P2RY8: variants seen among roughly 807,000 people sequenced by gnomAD.
P2RY8 encodes the protein S-geranylgeranyl-glutathione receptor P2RY8.
A neutral mutation model predicts 10.0 loss-of-function variants in P2RY8; 6 were observed. That is an observed-to-expected ratio of 0.60 (90% CI 0.33 to 1.19). The LOEUF (loss-of-function observed/expected upper bound fraction) is 1.19. Among genes scored for constraint, P2RY8 ranks in the 50% most tolerant of loss-of-function variants. The pLI, the probability that P2RY8 is intolerant of heterozygous loss-of-function variation, is 0.04. For missense variants in P2RY8, 456 were observed against 542.0 expected (o/e 0.84, Z 1.58); for synonymous variants, 276 against 252.5 (o/e 1.09, Z -0.88).
chrX:1,526,849 T>A (rs1270228172), intron 1 of P2RY8, among the ~76,000 whole-genome samples: 2 of 152,220 alleles, frequency 1.3e-5, no homozygotes, highest in Non-Finnish European at 2.9e-5. Flanking sequence ...ATTCAGCATC[T>A]ATTTATTCAC....
At chrX:1,490,673 C>T (rs1425669088) in intron 1 of P2RY8, among the ~76,000 whole-genome samples, 1 of 145,578 alleles carries the variant, frequency 6.9e-6, no homozygotes, top group Non-Finnish European at 1.5e-5. Flanking sequence ...GAATGATACC[C>T]CAGATTCACT....
At chrX:1,524,740 T>C (rs2092426006) in intron 1 of P2RY8, among the ~76,000 whole-genome samples, 1 of 54,778 alleles carries the variant, frequency 1.8e-5, no homozygotes. Flanking sequence ...CATACATCCA[T>C]GCATCCATCC....
chrX:1,524,645 A>C (rs866141580), intron 1 of P2RY8, among the ~76,000 whole-genome samples: 1,179 of 41,800 alleles, frequency 0.028, 21 homozygotes, highest in Middle Eastern at 0.044. Flanking sequence ...ATCCATCCAT[A>C]CATCCATCCA....
chrX:1,526,263 T>C (rs1438921728), intron 1 of P2RY8, among the ~76,000 whole-genome samples: 1 of 151,438 alleles, frequency 6.6e-6, no homozygotes, highest in East Asian at 2.0e-4. Flanking sequence ...ATTCACCCAT[T>C]CTTTCATGCA....
chrX:1,478,225 A>G (rs1245473692), intron 1 of P2RY8, among the ~76,000 whole-genome samples: 1 of 128,356 alleles, frequency 7.8e-6, no homozygotes, highest in Non-Finnish European at 1.7e-5. Context: ...TGCTTTTAAA[A>G]TGAAAAATGG....
chrX:1,487,044 C>T (rs1171673432), intron 1 of P2RY8, among the ~76,000 whole-genome samples: 2 of 152,242 alleles, frequency 1.3e-5, no homozygotes, highest in African/African-American at 2.4e-5. Flanking sequence ...CAGGTCCCTA[C>T]CGGGGTGTCT....
chrX:1,506,555 G>A (rs1417750730), intron 1 of P2RY8, among the ~76,000 whole-genome samples: 4 of 152,076 alleles, frequency 2.6e-5, no homozygotes, highest in Non-Finnish European at 5.9e-5. Flanking sequence ...AGAGAGAGAG[G>A]TGTTTGGATG....
At chrX:1,519,063 T>C (rs1368890757) in intron 1 of P2RY8, among the ~76,000 whole-genome samples, 4 of 151,356 alleles carry the variant, frequency 2.6e-5, no homozygotes, top group Non-Finnish European at 4.4e-5. Context: ...TGATCCCCAA[T>C]ATTCCTCTGG....
chrX:1,514,332 TTCC>T (rs1223978419), intron 1 of P2RY8, among the ~76,000 whole-genome samples: 2 of 78,276 alleles, frequency 2.6e-5, no homozygotes, highest in African/African-American at 3.7e-5. Flanking sequence ...TTCCATTTCT[TTCC>T]TTTCCTTCCC....
chrX:1,520,773 C>T (rs1346173106), intron 1 of P2RY8, among the ~76,000 whole-genome samples: 3 of 151,910 alleles, frequency 2.0e-5, no homozygotes, highest in Non-Finnish European at 4.4e-5. Flanking sequence ...AATAATCTCC[C>T]TGATCCCCAA....
At chrX:1,509,198 T>TCTATCTCTA (rs2092270596) in intron 1 of P2RY8, among the ~76,000 whole-genome samples, 1 of 138,534 alleles carries the variant, frequency 7.2e-6, no homozygotes, top group African/African-American at 2.6e-5. Flanking sequence ...TATCCATCTA[T>TCTATCTCTA]GTATCTACCT....
chrX:1,483,841 A>G (rs2091961289), intron 1 of P2RY8, among the ~76,000 whole-genome samples: 1 of 151,228 alleles, frequency 6.6e-6, no homozygotes, highest in South Asian at 2.1e-4. Flanking sequence ...CCTAAACCCA[A>G]TGCTGACCTC....
intron 1 of P2RY8, among the ~76,000 whole-genome samples, chrX:1,488,881 G>C (rs186641181): frequency 0.025 from 3,761 of 152,098 alleles, 81 homozygotes; most frequent in African/African-American, 0.053. Flanking sequence ...ATTCAGTTAT[G>C]CAAATGTGGA....
At chrX:1,484,829 C>T (rs1167354429) in intron 1 of P2RY8, among the ~76,000 whole-genome samples, 12 of 149,684 alleles carry the variant, frequency 8.0e-5, no homozygotes, top group Admixed American at 6.7e-4. Flanking sequence ...TCAAGTCCTG[C>T]GTGTTTGCAA....
intron 1 of P2RY8, among the ~76,000 whole-genome samples, chrX:1,493,327 AG>A (rs2092073806): frequency 2.0e-5 from 1 of 49,354 alleles, no homozygotes; most frequent in African/African-American, 8.4e-5. Flanking sequence ...AGAGGAGGGG[AG>A]GGGAGGGGAG....
chrX:1,469,776 C>CT (rs2091760006), intron 1 of P2RY8, among the ~76,000 whole-genome samples: 1 of 151,700 alleles, frequency 6.6e-6, no homozygotes, highest in Non-Finnish European at 1.5e-5. Context: ...GGCATGGTGG[C>CT]GAGTCCCAGC....
chrX:1,530,168 C>G (rs868254569), intron 1 of P2RY8, among the ~76,000 whole-genome samples: 477 of 14,610 alleles, frequency 0.033, 4 homozygotes, highest in Admixed American at 0.047. Context: ...ATCTATCTAT[C>G]TATCTATCTA....
At position 1,524,468 on chromosome X, in the gene P2RY8, T is replaced by A. The variant is rs1268473583; in HGVS notation, c.-25+12453A>T. 1.5e-5 allele frequency among the ~76,000 whole-genome samples: 2 copies of A among 137,582 alleles called. 1 individual carries two copies. The highest frequency in any genetic ancestry group is 3.2e-5 in the Non-Finnish European group (2 of 62,594). The allele number at this position is 137,582 out of a possible 152,430, so 90.3% of individuals were successfully genotyped here. On this transcript the variant is annotated intron_variant, in intron 1 of 1. Coordinates refer to ENST00000381297, the MANE Select transcript of P2RY8 (RefSeq NM_178129.5). The stretch of plus-strand genomic sequence containing the variant: ...ATCCATCTATCCATCCATCCATCCA[T>A]CCATTCATCCACTCATCCATCCATA...
intron 1 of P2RY8, among the ~76,000 whole-genome samples, chrX:1,495,801 C>T (rs1303424874): frequency 8.1e-6 from 1 of 123,972 alleles, no homozygotes; most frequent in Non-Finnish European, 1.8e-5. Flanking sequence ...CCCTCCAGGA[C>T]TGTGGGAGAA....
Sources: gnomAD v4.1 joint callset for allele counts (sites outside exome capture counted in the v4.1 genomes callset) on GRCh38, gnomAD v4.1.1 for gene constraint, MANE v1.5 for transcripts, NCBI Gene and HGNC (gene_info 2026-07-23, HGNC 2026-07-21) for gene names.